BOC: variants seen among roughly 807,000 people sequenced by gnomAD.
BOC encodes the protein brother of CDO.
Under a neutral mutation model 112.0 loss-of-function variants are expected in BOC, and 76 were observed. The ratio of observed to expected loss-of-function variants is 0.68; its 90% confidence interval spans 0.56 to 0.82. The LOEUF (loss-of-function observed/expected upper bound fraction) is 0.82. BOC is among the 40% of genes least tolerant of loss of function. The pLI is 0.00. For synonymous variants in BOC, 580 were observed against 599.8 expected (o/e 0.97, Z 0.48); for missense variants, 1,309 against 1,511.7 (o/e 0.87, Z 2.22).
intron 4 of BOC, among the ~76,000 whole-genome samples, chr3:113,258,115 G>C (rs919945761): frequency 6.6e-6 from 1 of 152,212 alleles, no homozygotes; most frequent in Non-Finnish European, 1.5e-5. Context: ...GATTGCGGAA[G>C]ACTCAGCAGT....
At chr3:113,264,377 A>G (rs1947228984) in intron 4 of BOC, among the ~76,000 whole-genome samples, 1 of 152,270 alleles carries the variant, frequency 6.6e-6, no homozygotes, top group South Asian at 2.1e-4. Flanking sequence ...GCCAACAGGC[A>G]AGGGCAGGTG....
In BOC at chr3:113,283,630, A is replaced by G; in HGVS notation, c.2654A>G (p.Gln885Arg). The stretch of plus-strand genomic sequence containing the variant: ...TGCTTGTGGAGGGCCTGGTCTAAGC[A>G]AAGTGAGTGAGTGACGCTTTCAGTG... Reference protein sequence around the residue: ...PFCLWRAWSKQKHTTDLGFPR... With the variant: ...PFCLWRAWSKRKHTTDLGFPR... Residue 885 changes from glutamine (Q) to arginine (R), a missense_variant and splice_region_variant, in exon 16 of 20, where the codon CAA (glutamine) becomes CGA (arginine). Transcript: ENST00000682979. The G allele has an allele frequency of 6.2e-7, 1 of 1,612,732 alleles. No homozygotes were observed.
chr3:113,270,794 TCCACAGGTAACTA>T lies in BOC; in HGVS notation c.524-4_532del. On this transcript the variant is annotated splice_acceptor_variant and splice_polypyrimidine_tract_variant and coding_sequence_variant and intron_variant, in exon 6 of 20. Transcript: ENST00000682979. LOFTEE classifies it high-confidence loss of function. ...CCCATCTTCCCCTGGCCCTGCCCTT[TCCACAGGTAACTA>T]CCTGATCATGCCCTCAGGGAACCTC... 1 of 1,605,680 alleles carries T rather than the reference TCCACAGGTAACTA, an allele frequency of 6.2e-7. No individual in the cohort carries two copies. Among genetic ancestry groups the T allele is most frequent in the Non-Finnish European group, 8.5e-7 (1 of 1,175,596 alleles).
In BOC at chr3:113,256,991, A is replaced by C. The variant is rs1576431269; in HGVS notation, c.376+6158A>C. Among the ~76,000 whole-genome samples, 2 of 152,182 alleles carry C rather than the reference A, an allele frequency of 1.3e-5. 1 individual carries two copies. Among genetic ancestry groups the C allele is most frequent in the South Asian group, 4.1e-4 (2 of 4,830 alleles). ...TACCCTCAATGATCAAATGAGGCCT[A>C]TCCCCACTAGGGAGGGTAATTATTT... On this transcript the variant is annotated intron_variant, in intron 4 of 19. Coordinates refer to ENST00000682979, the MANE Select transcript of BOC (RefSeq NM_001378074.1).
At chr3:113,234,921 T>C (rs944004687) in intron 2 of BOC, among the ~76,000 whole-genome samples, 1 of 152,228 alleles carries the variant, frequency 6.6e-6, no homozygotes, top group African/African-American at 2.4e-5. Context: ...ATACACTGTG[T>C]TCTTCTCAGG....
At chr3:113,230,496 T>G (rs1942438186) in intron 2 of BOC, among the ~76,000 whole-genome samples, 1 of 152,234 alleles carries the variant, frequency 6.6e-6, no homozygotes, top group Non-Finnish European at 1.5e-5. Context: ...TTTGAATCCT[T>G]TACTTAAGCA....
chr3:113,282,463 A>G (rs2107737840), intron 15 of BOC, among the ~76,000 whole-genome samples: 1 of 152,238 alleles, frequency 6.6e-6, no homozygotes, highest in Admixed American at 6.5e-5. Flanking sequence ...TGATGTTGCC[A>G]CTTATTGAAA....
At position 113,282,110 on chromosome 3, in the gene BOC, G is replaced by A. The variant is rs577642547; in HGVS notation, c.2434+957G>A. Among the ~76,000 whole-genome samples, 80 of 152,286 alleles carry A rather than the reference G, an allele frequency of 5.3e-4. 3 individuals are homozygous for A. In the South Asian group the frequency reaches 0.016, roughly 30 times the overall value. ...CCAGATGGTTGGGGTGTCAGGCACC[G>A]GGAAGGAGGTTATGGGAGTGAATGC... On this transcript the variant is annotated intron_variant, in intron 15 of 19. Coordinates refer to ENST00000682979, the MANE Select transcript of BOC (RefSeq NM_001378074.1).
At chr3:113,273,407 T>C in intron 8 of BOC, 66 bp downstream of exon 8, 1 of 1,484,052 alleles carries the variant, frequency 6.7e-7, no homozygotes, top group Non-Finnish European at 9.0e-7. Context: ...TCAAATGAAA[T>C]CTAACTTGGA....
At chr3:113,232,664 A>G (rs925593849) in intron 2 of BOC, among the ~76,000 whole-genome samples, 1 of 152,120 alleles carries the variant, frequency 6.6e-6, no homozygotes, top group Non-Finnish European at 1.5e-5. Flanking sequence ...GGGCCACCCT[A>G]TGAGGGAGGT....
At position 113,279,367 on chromosome 3, in the gene BOC, G is replaced by A. The variant is rs1352386720; in HGVS notation, c.1935G>A (p.Lys645=). The change falls in exon 12 of 20, where the codon AAG becomes AAA. Residue 645 remains lysine (K), a synonymous_variant. Transcript: ENST00000682979. The part of the protein sequence containing the change: ...FPIQSFRVEY[K]KLKKVGDWIL... ...TCCAGTCCTTCCGTGTGGAGTACAA[G>A]AAGCTAAAGAAAGTGGGAGACTGGA... 2 of 1,614,210 alleles carry A rather than the reference G, an allele frequency of 1.2e-6. No homozygotes were observed. Among genetic ancestry groups the A allele is most frequent in the South Asian group, 2.2e-5 (2 of 91,082 alleles).
At chr3:113,267,717 G>A (rs545676142) in intron 4 of BOC, among the ~76,000 whole-genome samples, 11 of 152,322 alleles carry the variant, frequency 7.2e-5, no homozygotes, top group African/African-American at 1.9e-4. Flanking sequence ...TGCCTAAGGA[G>A]AACCTGGGAA....
At chr3:113,266,061 T>A (rs1174593412) in intron 4 of BOC, among the ~76,000 whole-genome samples, 2 of 152,230 alleles carry the variant, frequency 1.3e-5, no homozygotes, top group East Asian at 3.8e-4. Flanking sequence ...TTGAAATCAT[T>A]ATTTAAAAGC....
chr3:113,233,654 G>T (rs962523986), intron 2 of BOC, among the ~76,000 whole-genome samples: 2 of 152,138 alleles, frequency 1.3e-5, no homozygotes, highest in African/African-American at 4.8e-5. Flanking sequence ...TTAACAGTGT[G>T]CTGGGCTCTG....
rs1325474757 is a variant in BOC at position 113,279,462 on chromosome 3, G to A, written c.2023+7G>A. ...ATCACGGGCCTAGAGAAAGGTAGGG[G>A]CCTGGCCACACCGTGGCCTTGGCCT... On this transcript the variant is annotated splice_region_variant and intron_variant, in intron 12 of 19. Coordinates refer to ENST00000682979, the MANE Select transcript of BOC (RefSeq NM_001378074.1). The A allele has an allele frequency of 1.2e-6, 2 of 1,612,780 alleles. No individual in the cohort carries two copies. Among genetic ancestry groups the A allele is most frequent in the Non-Finnish European group, 1.7e-6 (2 of 1,179,726 alleles).
At chr3:113,249,537 A>G (rs1945347930) in intron 2 of BOC, among the ~76,000 whole-genome samples, 185 bp from the exon 3 acceptor site, 1 of 152,168 alleles carries the variant, frequency 6.6e-6, no homozygotes. Context: ...GGCAACTTAT[A>G]AGAAGCTTCT....
Position 113,287,437 on chromosome 3 carries a change from T to C in BOC, c.*575T>C, listed in dbSNP as rs114697653. 3,703 of 155,288 alleles carry C rather than the reference T, an allele frequency of 0.024. 51 individuals are homozygous for C. The highest frequency in any genetic ancestry group is 0.06 in the Middle Eastern group (18 of 298). 9.6% of individuals were successfully genotyped at this position (155,288 alleles called of 1,614,324 possible). A position where few individuals can be genotyped will look rare whatever the true frequency, so the allele number is the denominator to read the frequency against. ...ACACTGTAACTTCTAAATAAATGTTTAGTCTTCCCTGTAACCTTCAAACTG... is the reference window on the plus strand; with the variant it reads ...ACACTGTAACTTCTAAATAAATGTTCAGTCTTCCCTGTAACCTTCAAACTG... On this transcript the variant is annotated 3_prime_UTR_variant, in exon 20 of 20. Transcript: ENST00000682979.
At chr3:113,243,797 T>C (rs1367020883) in intron 2 of BOC, among the ~76,000 whole-genome samples, 2 of 152,220 alleles carry the variant, frequency 1.3e-5, no homozygotes, top group Non-Finnish European at 2.9e-5. Flanking sequence ...CCTTAAGACC[T>C]GAACTGAAAA....
At chr3:113,271,054 G>C in intron 6 of BOC, 110 bp downstream of exon 6, 2 of 1,507,762 alleles carry the variant, frequency 1.3e-6, no homozygotes, top group Non-Finnish European at 1.8e-6. Flanking sequence ...CTCCAGTTCT[G>C]TGTGCACTGG....
Sources: gnomAD v4.1 joint callset for allele counts (sites outside exome capture counted in the v4.1 genomes callset) on GRCh38, gnomAD v4.1.1 for gene constraint, MANE v1.5 for transcripts, NCBI Gene and HGNC (gene_info 2026-07-23, HGNC 2026-07-21) for gene names.